SMOC2: variants seen among roughly 807,000 people sequenced by gnomAD.
SMOC2 encodes the protein SPARC related modular calcium binding 2.
In SMOC2, 39 loss-of-function variants were observed where a neutral mutation model predicts 61.4. The observed-to-expected ratio is 0.64, with a 90% CI of 0.49 to 0.83. The LOEUF (loss-of-function observed/expected upper bound fraction) is 0.83. Among genes scored for constraint, SMOC2 ranks in the 40% least tolerant of loss-of-function variants. The probability of loss-of-function intolerance (pLI) is 0.00; values close to 1 mark genes in which losing one functional copy is unlikely to be tolerated. For missense variants in SMOC2, 556 were observed against 592.9 expected (o/e 0.94, Z 0.65); for synonymous variants, 247 against 239.9 (o/e 1.03, Z -0.27).
intron 9 of SMOC2, among the ~76,000 whole-genome samples, chr6:168,649,377 C>T (rs534808899): frequency 1.3e-3 from 205 of 152,252 alleles, no homozygotes; most frequent in Middle Eastern, 3.4e-3. Context: ...CAGAAGTCTC[C>T]GTGGGTGTCC....
chr6:168,592,215 G>A (rs143893757), intron 7 of SMOC2, among the ~76,000 whole-genome samples: 12 of 152,266 alleles, frequency 7.9e-5, no homozygotes, highest in Non-Finnish European at 1.6e-4. Context: ...TCAATCTTCA[G>A]TTTCACTCAG....
intron 9 of SMOC2, among the ~76,000 whole-genome samples, chr6:168,619,093 G>A (rs1048671823): frequency 6.6e-6 from 1 of 152,128 alleles, no homozygotes; most frequent in Non-Finnish European, 1.5e-5. Context: ...TCTGAGCAGC[G>A]CCGGTGACCG....
chr6:168,502,610 A>G (rs988324570), intron 1 of SMOC2, among the ~76,000 whole-genome samples: 3 of 152,216 alleles, frequency 2.0e-5, no homozygotes, highest in Non-Finnish European at 4.4e-5. Flanking sequence ...TGGGACCTAC[A>G]TTATCACCAC....
chr6:168,447,661 A>G (rs1336802289), intron 1 of SMOC2, among the ~76,000 whole-genome samples: 7 of 152,078 alleles, frequency 4.6e-5, no homozygotes, highest in African/African-American at 1.7e-4. Context: ...CAATAATAAC[A>G]AAGTTTCTGA....
rs182687513 is a variant in SMOC2, at chr6:168,555,489, G to A, written c.637+6286G>A. Among the ~76,000 whole-genome samples, 156 of 152,242 alleles carry A rather than the reference G, an allele frequency of 1.0e-3. 1 individual carries two copies. Among genetic ancestry groups the A allele is most frequent in the Middle Eastern group, 3.4e-3 (1 of 294 alleles). ...CCCGTCGCCTACACAGAGAGGCTGG[G>A]TGCTGGCTCAGCCAGCCCAGCGAGC... is the stretch of plus-strand genomic sequence containing the variant. On this transcript the variant is annotated intron_variant, in intron 7 of 12. Coordinates refer to ENST00000356284, the MANE Select transcript of SMOC2 (RefSeq NM_001166412.2).
chr6:168,518,015 T>A (rs1783186327), intron 2 of SMOC2, among the ~76,000 whole-genome samples: 1 of 152,240 alleles, frequency 6.6e-6, no homozygotes, highest in Non-Finnish European at 1.5e-5. Context: ...CTCTGGAGGT[T>A]TTCCCATCGC....
At position 168,544,235 on chromosome 6, in the gene SMOC2, T is replaced by C. The variant is rs950536743; in HGVS notation, c.511+563T>C. 3.3e-5 allele frequency among the ~76,000 whole-genome samples: 5 copies of C among 152,148 alleles called. No individual in the cohort carries two copies. The highest frequency in any genetic ancestry group is 1.3e-4 in the Admixed American group (2 of 15,268). On this transcript the variant is annotated intron_variant, in intron 5 of 12. Coordinates refer to ENST00000356284, the MANE Select transcript of SMOC2 (RefSeq NM_001166412.2). This position sits in a 1 kb window ranked among gnomAD's most constrained non-coding sequence, Gnocchi z 4.1. The stretch of plus-strand genomic sequence containing the variant: ...CCCCCTGGGAAAGTCTCCATCCTCT[T>C]CTCTGCCCTTGCCTCGGCCAACACC...
intron 9 of SMOC2, among the ~76,000 whole-genome samples, chr6:168,635,760 A>G (rs1786699419): frequency 1.3e-5 from 2 of 151,758 alleles, no homozygotes; most frequent in Non-Finnish European, 2.9e-5. Context: ...AATCCCAGCT[A>G]CTTGGGAGGC....
chr6:168,647,224 G>A (rs574920429), intron 9 of SMOC2, among the ~76,000 whole-genome samples: 30 of 152,312 alleles, frequency 2.0e-4, no homozygotes, highest in African/African-American at 6.7e-4. Flanking sequence ...GCCTGCATGC[G>A]GCAGTTTTGA....
intron 7 of SMOC2, among the ~76,000 whole-genome samples, chr6:168,558,852 CGTGTGCGCAT>C (rs1784314286): frequency 7.3e-6 from 1 of 137,758 alleles, no homozygotes; most frequent in Non-Finnish European, 1.5e-5. Flanking sequence ...TGTATGTGCG[CGTGTGCGCAT>C]GTGTGTGCAT....
At chr6:168,443,762 A>G (rs1178311090) in intron 1 of SMOC2, among the ~76,000 whole-genome samples, 1 of 152,108 alleles carries the variant, frequency 6.6e-6, no homozygotes, top group Non-Finnish European at 1.5e-5. Flanking sequence ...TTCTCTCCCT[A>G]CGATTTGCAT....
chr6:168,634,160 G>A (rs373357504), intron 9 of SMOC2, among the ~76,000 whole-genome samples: 14 of 152,262 alleles, frequency 9.2e-5, no homozygotes, highest in African/African-American at 2.4e-4. Context: ...GCGTGAGAAC[G>A]GACTAATACA....
chr6:168,538,068 C>T (rs1311631812), intron 4 of SMOC2, among the ~76,000 whole-genome samples: 1 of 139,490 alleles, frequency 7.2e-6, no homozygotes. Flanking sequence ...AGGTGACTGA[C>T]CCCTGCTGGG....
intron 1 of SMOC2, among the ~76,000 whole-genome samples, chr6:168,478,757 C>T (rs1334473641): frequency 6.6e-6 from 1 of 152,120 alleles, no homozygotes; most frequent in Non-Finnish European, 1.5e-5. Flanking sequence ...TGTATCTGGT[C>T]TAGAACAGCC....
intron 2 of SMOC2, among the ~76,000 whole-genome samples, chr6:168,517,800 TGTGG>T (rs1452657554): frequency 6.6e-6 from 1 of 151,748 alleles, no homozygotes; most frequent in Non-Finnish European, 1.5e-5. Context: ...GGGAACCCCC[TGTGG>T]GGGTGAAATG....
chr6:168,441,332 G>T lies in SMOC2; in HGVS notation c.-39G>T. On this transcript the variant is annotated 5_prime_UTR_variant, in exon 1 of 13. It adds an upstream start codon to the 5' untranslated region. Coordinates refer to ENST00000356284, the MANE Select transcript of SMOC2 (RefSeq NM_001166412.2). ...CTCCCGGCTGCAGTGCCAGGGCGCAGGACGCGGCCGATCTCCCGCTCCCGC... is the reference window on the plus strand; with the variant it reads ...CTCCCGGCTGCAGTGCCAGGGCGCATGACGCGGCCGATCTCCCGCTCCCGC... 1.3e-6 allele frequency: 2 copies of T among 1,495,378 alleles called. No homozygotes were observed. Among genetic ancestry groups the T allele is most frequent in the South Asian group, 2.5e-5 (2 of 80,118 alleles). The allele number at this position is 1,495,378 out of a possible 1,614,324, so 92.6% of individuals were successfully genotyped here.
At chr6:168,477,061 A>G (rs1050793939) in intron 1 of SMOC2, among the ~76,000 whole-genome samples, 8 of 152,224 alleles carry the variant, frequency 5.3e-5, no homozygotes, top group African/African-American at 1.7e-4. Flanking sequence ...TTGAGTCCCA[A>G]TTAAGGTTGG....
intron 11 of SMOC2, among the ~76,000 whole-genome samples, chr6:168,658,747 T>C (rs1299234374): frequency 6.6e-6 from 1 of 152,128 alleles, no homozygotes; most frequent in Non-Finnish European, 1.5e-5. Context: ...TGAAACGATT[T>C]CAAGATGGAT....
At chr6:168,454,698 C>T (rs1781542700) in intron 1 of SMOC2, among the ~76,000 whole-genome samples, 1 of 152,142 alleles carries the variant, frequency 6.6e-6, no homozygotes, top group South Asian at 2.1e-4. Context: ...GAAAAGAAAA[C>T]CCACTAAAAT....
Sources: gnomAD v4.1 joint callset for allele counts (sites outside exome capture counted in the v4.1 genomes callset) on GRCh38, gnomAD v4.1.1 for gene constraint, Gnocchi (gnomAD v3.1) non-coding constraint, MANE v1.5 for transcripts, NCBI Gene and HGNC (gene_info 2026-07-23, HGNC 2026-07-21) for gene names.